Variants in GPC6 observed in about 807,000 individuals in gnomAD.
GPC6 encodes glypican-6.
A neutral mutation model predicts 55.2 loss-of-function variants in GPC6; 14 were observed. The ratio of observed to expected loss-of-function variants is 0.25; its 90% confidence interval spans 0.17 to 0.40. The LOEUF (loss-of-function observed/expected upper bound fraction) is 0.40, where lower values mean the gene tolerates loss of function less well. GPC6 is among the 10% of genes least tolerant of loss of function. GPC6 has a pLI of 1.00. For missense variants in GPC6, 641 were observed against 708.5 expected (o/e 0.90, Z 1.08); for synonymous variants, 278 against 259.6 (o/e 1.07, Z -0.68).
chr13:94,253,990 C>T (rs891026411), intron 4 of GPC6, among the ~76,000 whole-genome samples: 2 of 152,024 alleles, frequency 1.3e-5, no homozygotes, highest in African/African-American at 4.8e-5. Context: ...TTCATTGATC[C>T]TATATCATCT....
chr13:94,067,900 C>T (rs529137103), intron 4 of GPC6, among the ~76,000 whole-genome samples: 1 of 152,252 alleles, frequency 6.6e-6, no homozygotes, highest in East Asian at 1.9e-4. Context: ...ATGTAGAGAA[C>T]AAAGATGATC....
At chr13:93,355,793 A>G (rs1255509652) in intron 1 of GPC6, among the ~76,000 whole-genome samples, 1 of 152,106 alleles carries the variant, frequency 6.6e-6, no homozygotes, top group Non-Finnish European at 1.5e-5. Flanking sequence ...GTTCTGGGGC[A>G]GGGTGGTGCT....
At chr13:93,705,254 G>C (rs1044866779) in intron 2 of GPC6, among the ~76,000 whole-genome samples, 1 of 151,824 alleles carries the variant, frequency 6.6e-6, no homozygotes, top group Non-Finnish European at 1.5e-5. Context: ...GTTTGGTCTC[G>C]ATAAGTGCTG....
At chr13:93,606,016 A>G (rs1422828352) in intron 2 of GPC6, among the ~76,000 whole-genome samples, 1 of 152,170 alleles carries the variant, frequency 6.6e-6, no homozygotes. Flanking sequence ...ATGGAAATAT[A>G]GAGATACATA....
chr13:93,987,289 T>C (rs889680919), intron 3 of GPC6, among the ~76,000 whole-genome samples: 1 of 152,222 alleles, frequency 6.6e-6, no homozygotes, highest in African/African-American at 2.4e-5. Flanking sequence ...TATGCATCCA[T>C]GCATTCATTC....
At chr13:93,956,594 C>T (rs1244063319) in intron 3 of GPC6, among the ~76,000 whole-genome samples, 1 of 152,116 alleles carries the variant, frequency 6.6e-6, no homozygotes. Context: ...CGCCCCAATC[C>T]TAAATGGAGA....
At chr13:93,510,379 A>G (rs548526159) in intron 1 of GPC6, among the ~76,000 whole-genome samples, 1 of 151,994 alleles carries the variant, frequency 6.6e-6, no homozygotes, top group Admixed American at 6.6e-5. Context: ...CATGTGATCA[A>G]CATTTTTAGT....
intron 2 of GPC6, among the ~76,000 whole-genome samples, chr13:93,808,752 T>G (rs1206661842): frequency 6.6e-6 from 1 of 152,182 alleles, no homozygotes; most frequent in Non-Finnish European, 1.5e-5. Flanking sequence ...TTTCAGACAC[T>G]CTTTATGGTG....
At chr13:94,081,640 T>C (rs989883721) in intron 4 of GPC6, among the ~76,000 whole-genome samples, 12 of 152,092 alleles carry the variant, frequency 7.9e-5, no homozygotes, top group Admixed American at 1.3e-4. Context: ...AAAGTTGACA[T>C]TGGAAAGGAA....
chr13:94,255,516 T>C (rs1267195163), intron 4 of GPC6, among the ~76,000 whole-genome samples: 1 of 152,180 alleles, frequency 6.6e-6, no homozygotes, highest in African/African-American at 2.4e-5. Context: ...CTGAACTTCT[T>C]GAAATACTTG....
chr13:94,318,870 C>A (rs1876676503), intron 6 of GPC6, among the ~76,000 whole-genome samples: 1 of 152,054 alleles, frequency 6.6e-6, no homozygotes, highest in Non-Finnish European at 1.5e-5. Context: ...GCCTTAAAGT[C>A]TCTTTCTTTC....
chr13:93,660,742 T>C (rs886692975), intron 2 of GPC6, among the ~76,000 whole-genome samples: 2 of 152,232 alleles, frequency 1.3e-5, no homozygotes, highest in Non-Finnish European at 2.9e-5. Flanking sequence ...TAACCATTAT[T>C]GCACAGCTCC....
intron 1 of GPC6, among the ~76,000 whole-genome samples, chr13:93,360,441 G>A (rs1881004682): frequency 1.3e-5 from 2 of 152,118 alleles, no homozygotes; most frequent in Admixed American, 6.5e-5. Flanking sequence ...CAGGCACAGA[G>A]AGCAATACAG....
chr13:93,765,282 C>CAGATAAGCTGTCTGGAAAGACAACTTTCA (rs1885088645), intron 2 of GPC6, among the ~76,000 whole-genome samples: 1 of 103,744 alleles, frequency 9.6e-6, no homozygotes, highest in African/African-American at 3.0e-5. Flanking sequence ...GACAACTTTC[C>CAGATAAGCTGTCTGGAAAGACAACTTTCA]AGATAAGCTG....
intron 1 of GPC6, among the ~76,000 whole-genome samples, chr13:93,446,240 C>A (rs1485894263): frequency 6.6e-6 from 1 of 152,076 alleles, no homozygotes; most frequent in Non-Finnish European, 1.5e-5. Context: ...CCTGCAAGCT[C>A]CTTTCACTCA....
intron 3 of GPC6, among the ~76,000 whole-genome samples, chr13:94,004,474 C>G (rs577543795): frequency 6.6e-4 from 101 of 152,242 alleles, no homozygotes; most frequent in Non-Finnish European, 1.0e-3. Flanking sequence ...AATTGACAAA[C>G]AGCACTTGGA....
chr13:94,135,510 G>A (rs1887155070), intron 4 of GPC6, among the ~76,000 whole-genome samples: 3 of 152,076 alleles, frequency 2.0e-5, no homozygotes. Context: ...CATTTATTGA[G>A]AGCCAAATGG....
At chr13:93,662,612 A>C (rs1880971181) in intron 2 of GPC6, among the ~76,000 whole-genome samples, 1 of 152,156 alleles carries the variant, frequency 6.6e-6, no homozygotes, top group African/African-American at 2.4e-5. Context: ...CCTGGGGTAC[A>C]AGAGCGAGAC....
intron 4 of GPC6, among the ~76,000 whole-genome samples, chr13:94,225,354 G>A (rs975089098): frequency 9.2e-5 from 14 of 152,072 alleles, no homozygotes; most frequent in South Asian, 2.1e-4. Context: ...TTCAGCCTTC[G>A]TCCACCCAAG....
Sources: gnomAD v4.1 joint callset for allele counts (sites outside exome capture counted in the v4.1 genomes callset) on GRCh38, gnomAD v4.1.1 for gene constraint, MANE v1.5 for transcripts, NCBI Gene and HGNC (gene_info 2026-07-23, HGNC 2026-07-21) for gene names.